ZNF180: variants seen among roughly 807,000 people sequenced by gnomAD.
ZNF180 encodes zinc finger protein 180.
A neutral mutation model predicts 11.8 loss-of-function variants in ZNF180; 11 were observed. The ratio of observed to expected loss-of-function variants is 0.93; its 90% CI spans 0.59 to 1.55. The LOEUF (loss-of-function observed/expected upper bound fraction) is 1.55, where lower values mean the gene tolerates loss of function less well. Among genes scored for constraint, ZNF180 ranks in the 40% most tolerant of loss-of-function variants. ZNF180 has a pLI of 0.00. For missense variants in ZNF180, 773 were observed against 781.7 expected, an observed-to-expected ratio of 0.99 and a Z score of 0.13; for synonymous variants, 287 against 257.7, an observed-to-expected ratio of 1.11 and a Z score of -1.09.
intron 2 of ZNF180, among the ~76,000 whole-genome samples, chr19:44,489,879 A>AAG (rs923211587): frequency 1.3e-4 from 15 of 117,140 alleles, no homozygotes; most frequent in South Asian, 6.0e-4. Flanking sequence ...AAGAGAGAGA[A>AAG]AGAGAGAGAG....
At chr19:44,481,626 T>C (rs764282017) in intron 3 of ZNF180, among the ~76,000 whole-genome samples, 15 of 152,214 alleles carry the variant, frequency 9.9e-5, no homozygotes, top group Admixed American at 2.6e-4. Flanking sequence ...TGCAGAATGG[T>C]CATCTCTGTC....
Position 44,476,563 on chromosome 19 carries a change from T to C in ZNF180, c.1837A>G (p.Lys613Glu), listed in dbSNP as rs764339482. The change falls in exon 5 of 5, where the codon AAA becomes GAA. Residue 613 changes from lysine to glutamate, a missense_variant. Physicochemically the swap from Lys to Glu is moderately conservative, Grantham distance 56. Transcript: ENST00000592529. ...AGTCGAGCACTCAAGCTAAATGTTT[T>C]TCCACACTGATTACATTCAAATGGT... is the stretch of plus-strand genomic sequence containing the variant. ...EKPFECNQCG[K>E]TFSLSARLIV... is the part of the protein sequence containing the mutation. 1 of 1,614,172 alleles carries C rather than the reference T, an allele frequency of 6.2e-7. No individual in the cohort carries two copies. The highest frequency in any genetic ancestry group is 2.2e-5 in the East Asian group (1 of 44,880).
rs553546186 is a variant in ZNF180, at chr19:44,475,857, A to G, written c.*545T>C. The G allele has an allele frequency of 2.0e-5, 3 of 152,432 alleles. No homozygotes were observed. Among genetic ancestry groups the G allele is most frequent in the African/African-American group, 7.2e-5 (3 of 41,582 alleles). The allele number at this position is 152,432 out of a possible 1,614,324, so 9.4% of individuals were successfully genotyped here. A position where few individuals can be genotyped will look rare whatever the true frequency, so the allele number is the denominator to read the frequency against. On this transcript the variant is annotated 3_prime_UTR_variant, in exon 5 of 5. Transcript: ENST00000592529. ...ACACTTTTCACTATATATCATAGACACTTTCCTAAAATTTATAAAATCTTC... is the reference window on the plus strand; with the variant it reads ...ACACTTTTCACTATATATCATAGACGCTTTCCTAAAATTTATAAAATCTTC...
At chr19:44,483,154 T>C (rs1314018261) in intron 3 of ZNF180, among the ~76,000 whole-genome samples, 2 of 152,276 alleles carry the variant, frequency 1.3e-5, no homozygotes, top group African/African-American at 2.4e-5. Flanking sequence ...AAGGCCATTA[T>C]GCTACCGAAA....
rs565213036 is a variant in ZNF180, at chr19:44,493,812, G to A, written c.51+3472C>T. 5.9e-5 allele frequency among the ~76,000 whole-genome samples: 9 copies of A among 152,170 alleles called. No individual in the cohort carries two copies. In the East Asian group the frequency reaches 7.7e-4, roughly 13 times the overall value. ...AGAAATCCACTGCTATGCTGTGAAC[G>A]CCCTGGAAAGAGGCCTCTCTGGTGT... On this transcript the variant is annotated intron_variant, in intron 2 of 4. Transcript: ENST00000592529.
At chr19:44,492,149 A>G (rs1970464455) in intron 2 of ZNF180, among the ~76,000 whole-genome samples, 1 of 152,130 alleles carries the variant, frequency 6.6e-6, no homozygotes, top group Non-Finnish European at 1.5e-5. Context: ...TACCAGTAAA[A>G]TTATTCTCTT....
chr19:44,497,442 C>G, intron 1 of ZNF180, 65 bp from the exon 2 acceptor site: 1 of 1,458,820 alleles, frequency 6.9e-7, no homozygotes, highest in South Asian at 1.3e-5. Flanking sequence ...CCCCCCACCC[C>G]CATTAGCCCC....
rs552212228 is a variant in ZNF180, at chr19:44,484,566, C to T, written c.52-131G>A. The T allele has an allele frequency of 3.1e-5, 21 of 677,366 alleles. No individual in the cohort carries two copies. The African/African-American group carries it at 3.3e-4, about 11-fold the overall frequency. 42.0% of individuals were successfully genotyped at this position (677,366 alleles called of 1,614,324 possible). On this transcript the variant is annotated intron_variant, in intron 2 of 4. Transcript: ENST00000592529. ...AACGCATCCCTCCCACCATATTTCT[C>T]CTCCCTCCTCCTAGTGGTAAGCTCC...
chr19:44,490,078 G>GGGGGAAGGGAAGGGAAAGAA (rs1568433580), intron 2 of ZNF180, among the ~76,000 whole-genome samples: 2 of 115,776 alleles, frequency 1.7e-5, no homozygotes, highest in African/African-American at 6.0e-5. Flanking sequence ...GGGAAAGAAA[G>GGGGGAAGGGAAGGGAAAGAA]AGGGAAGGGA....
intron 2 of ZNF180, chr19:44,496,778 T>C (rs1970599121): frequency 6.6e-6 from 1 of 152,086 alleles, no homozygotes; most frequent in Non-Finnish European, 1.5e-5. Flanking sequence ...GATTGCTATA[T>C]TTATAGTCTT....
rs1969844356 is a variant in ZNF180 at position 44,475,656 on chromosome 19, T to G, written c.*746A>C. Reference sequence around the variant, plus strand: ...GTATTTCATTTTTGGCTTTGAATAATTTTTACTCATTATATCATTTATCAT... The same window carrying G: ...GTATTTCATTTTTGGCTTTGAATAAGTTTTACTCATTATATCATTTATCAT... On this transcript the variant is annotated 3_prime_UTR_variant, in exon 5 of 5. Transcript: ENST00000592529. The G allele has an allele frequency of 6.6e-6, 1 of 152,220 alleles. No individual in the cohort carries two copies. The highest frequency in any genetic ancestry group is 1.5e-5 in the Non-Finnish European group (1 of 68,042). The allele number at this position is 152,220 out of a possible 1,614,324, so 9.4% of individuals were successfully genotyped here. A position where few individuals can be genotyped will look rare whatever the true frequency, so the allele number is the denominator to read the frequency against.
rs1285291173 is a variant in ZNF180, at chr19:44,477,785, A to G, written c.615T>C (p.Ala205=). ...SHAKKWHLNA[A]VNSHQKINEN... ...CATTAATCTTCTGATGACTGTTTAC[A>G]GCAGCATTAAGATGCCATTTTTTAG... Residue 205 remains alanine (A), a synonymous_variant, in exon 5 of 5, where the codon GCT becomes GCC. Transcript: ENST00000592529. 1 of 1,613,920 alleles carries G rather than the reference A, an allele frequency of 6.2e-7. No homozygotes were observed. The highest frequency in any genetic ancestry group is 8.5e-7 in the Non-Finnish European group (1 of 1,179,988).
chr19:44,500,215 C>T, intron 1 of ZNF180, 60 bp downstream of exon 1: 2 of 1,614,162 alleles, frequency 1.2e-6, no homozygotes, highest in Non-Finnish European at 1.7e-6. Flanking sequence ...TCCAGCTTCC[C>T]GCGTAGACCC....
At chr19:44,494,109 T>C (rs1324810146) in intron 2 of ZNF180, among the ~76,000 whole-genome samples, 2 of 152,228 alleles carry the variant, frequency 1.3e-5, no homozygotes, top group African/African-American at 4.8e-5. Context: ...GCTTTCCCTA[T>C]GTAGCCTTGG....
At position 44,476,267 on chromosome 19, in the gene ZNF180, C is replaced by T. The variant is rs1969864947; in HGVS notation, c.*135G>A. 1.2e-6 allele frequency: 1 copy of T among 846,678 alleles called. No individual in the cohort carries two copies. Among genetic ancestry groups the T allele is most frequent in the East Asian group, 2.9e-5 (1 of 34,858 alleles). The allele number at this position is 846,678 out of a possible 1,614,324, so 52.4% of individuals were successfully genotyped here. A position where few individuals can be genotyped will look rare whatever the true frequency, so the allele number is the denominator to read the frequency against. ...TCTTTTCCAGAACAAATTTGAGACACACAATTAACAGAGGGCTGGAAGTTT... is the reference window on the plus strand; with the variant it reads ...TCTTTTCCAGAACAAATTTGAGACATACAATTAACAGAGGGCTGGAAGTTT... On this transcript the variant is annotated 3_prime_UTR_variant, in exon 5 of 5. Transcript: ENST00000592529.
intron 3 of ZNF180, 120 bp from the exon 4 acceptor site, chr19:44,479,529 T>G: frequency 7.3e-7 from 1 of 1,375,052 alleles, no homozygotes. Flanking sequence ...GTCCTTAAAT[T>G]GTCAGTGCCC....
At chr19:44,499,262 T>C (rs1351238910) in intron 1 of ZNF180, among the ~76,000 whole-genome samples, 1 of 152,204 alleles carries the variant, frequency 6.6e-6, no homozygotes, top group Non-Finnish European at 1.5e-5. Context: ...CATGACGGCC[T>C]GGGTGTTGTG....
intron 2 of ZNF180, among the ~76,000 whole-genome samples, chr19:44,490,259 G>C (rs1440354089): frequency 6.6e-6 from 1 of 152,152 alleles, no homozygotes; most frequent in Non-Finnish European, 1.5e-5. Flanking sequence ...TTCTTAAGCA[G>C]TCCTCTTGCC....
At position 44,476,424 on chromosome 19, in the gene ZNF180, T is replaced by A; in HGVS notation, c.1976A>T (p.Glu659Val). The A allele has an allele frequency of 1.3e-6, 2 of 1,592,632 alleles. No individual in the cohort carries two copies. Among genetic ancestry groups the A allele is most frequent in the Non-Finnish European group, 1.7e-6 (2 of 1,169,466 alleles). ...LIRHQATHTE[E>V]KLYECN Reference sequence around the variant, plus strand: ...AAACTAGTTACATTCATAGAGTTTCTCTTCAGTATGAGTTGCCTGATGCCT... The same window carrying A: ...AAACTAGTTACATTCATAGAGTTTCACTTCAGTATGAGTTGCCTGATGCCT... Residue 659 changes from glutamate to valine, a missense_variant, in exon 5 of 5, where the codon GAG becomes GTG. Physicochemically the swap from Glu to Val is moderately radical, Grantham distance 121. Coordinates refer to ENST00000592529, the MANE Select transcript of ZNF180 (RefSeq NM_001278509.3).
Sources: gnomAD v4.1 joint callset for allele counts (sites outside exome capture counted in the v4.1 genomes callset) on GRCh38, gnomAD v4.1.1 for gene constraint, MANE v1.5 for transcripts, NCBI Gene and HGNC (gene_info 2026-07-23, HGNC 2026-07-21) for gene names.